ACACA: variants seen among roughly 807,000 people sequenced by gnomAD.
The protein encoded by ACACA is acetyl-CoA carboxylase alpha.
In ACACA, 103 loss-of-function variants were observed where a neutral mutation model predicts 296.1. The ratio of observed to expected loss-of-function variants is 0.35; its 90% CI spans 0.30 to 0.41. The LOEUF (loss-of-function observed/expected upper bound fraction) is 0.41, where lower values mean the gene tolerates loss of function less well. ACACA is among the 10% of genes least tolerant of loss of function. ACACA has a pLI of 1.00. For missense variants in ACACA, 1,554 were observed against 2,989.7 expected, an observed-to-expected ratio of 0.52 and a Z score of 11.20; for synonymous variants, 953 against 1,038.6, an observed-to-expected ratio of 0.92 and a Z score of 1.58.
At chr17:37,381,909 G>C (rs965317838) in intron 1 of ACACA, among the ~76,000 whole-genome samples, 4 of 151,906 alleles carry the variant, frequency 2.6e-5, no homozygotes, top group Non-Finnish European at 5.9e-5. Context: ...TTACAGGCGT[G>C]AGCCACTGCA....
intron 41 of ACACA, among the ~76,000 whole-genome samples, chr17:37,164,365 T>C (rs1406600756): frequency 6.6e-6 from 1 of 152,182 alleles, no homozygotes; most frequent in Admixed American, 6.5e-5. Flanking sequence ...GTAATCAGGC[T>C]GGTTGAAGCA....
At chr17:37,117,155 T>C (rs2074297662) in intron 50 of ACACA, among the ~76,000 whole-genome samples, 1 of 152,098 alleles carries the variant, frequency 6.6e-6, no homozygotes, top group Admixed American at 6.6e-5. Context: ...GGTGGCAGAG[T>C]GTTTCCACAG....
At chr17:37,185,254 G>T (rs2077480546) in intron 39 of ACACA, among the ~76,000 whole-genome samples, 1 of 151,926 alleles carries the variant, frequency 6.6e-6, no homozygotes, top group Non-Finnish European at 1.5e-5. Flanking sequence ...ATTTTTAGAG[G>T]CAGTGTCTCA....
chr17:37,121,334 G>T (rs1272414360), intron 50 of ACACA, 21 bp downstream of exon 50: 1 of 1,613,936 alleles, frequency 6.2e-7, no homozygotes, highest in Admixed American at 1.7e-5. Flanking sequence ...TGCCCCTCCA[G>T]CCCACAGGCA....
intron 41 of ACACA, among the ~76,000 whole-genome samples, chr17:37,174,020 A>ATATATTTT (rs552735515): frequency 1.2e-4 from 2 of 16,794 alleles, no homozygotes; most frequent in African/African-American, 2.6e-4. Context: ...ATATATATAT[A>ATATATTTT]TTTTTTTTTT....
intron 52 of ACACA, among the ~76,000 whole-genome samples, chr17:37,110,369 G>C (rs1441107123): frequency 6.6e-6 from 1 of 152,184 alleles, no homozygotes; most frequent in Non-Finnish European, 1.5e-5. Context: ...GTTTGGAAAA[G>C]AAAGAGAAAA....
intron 43 of ACACA, 141 bp from the exon 44 acceptor site, chr17:37,151,562 T>C: frequency 9.9e-7 from 1 of 1,007,970 alleles, no homozygotes; most frequent in Non-Finnish European, 1.5e-6. Flanking sequence ...CTTCCTTTTA[T>C]ACTCTTCATT....
At chr17:37,283,442 G>A (rs760982219) in intron 4 of ACACA, 37 bp from the exon 5 acceptor site, 219 of 1,609,604 alleles carry the variant, frequency 1.4e-4, no homozygotes, top group Non-Finnish European at 1.7e-4. Context: ...GGAAGAAAAG[G>A]CAGAAAAAAG....
chr17:37,289,350 T>C, intron 3 of ACACA: 2 of 820,534 alleles, frequency 2.4e-6, no homozygotes, highest in Non-Finnish European at 3.4e-6. Context: ...TAAAGTTGGC[T>C]TTTAAAGAAC....
intron 39 of ACACA, among the ~76,000 whole-genome samples, chr17:37,186,265 TTC>T (rs1482204737): frequency 4.6e-5 from 7 of 152,208 alleles, no homozygotes; most frequent in African/African-American, 1.7e-4. Flanking sequence ...AGAAAATAAT[TTC>T]TGACCCATAG....
chr17:37,303,228 G>A (rs2083713836), intron 3 of ACACA, among the ~76,000 whole-genome samples: 1 of 152,110 alleles, frequency 6.6e-6, no homozygotes, highest in African/African-American at 2.4e-5. Context: ...GCCTATTACA[G>A]ACATTTCATA....
intron 1 of ACACA, chr17:37,388,824 A>T: frequency 6.2e-7 from 1 of 1,610,462 alleles, no homozygotes; most frequent in Non-Finnish European, 8.5e-7. Flanking sequence ...GAATCCTTGA[A>T]CTTGACCCAT....
chr17:37,376,274 T>C, intron 1 of ACACA: 1 of 747,498 alleles, frequency 1.3e-6, no homozygotes, highest in Non-Finnish European at 2.2e-6. Context: ...CCAGAGTTAA[T>C]CCCATGTATC....
chr17:37,259,963 ACT>A (rs1330588547), intron 11 of ACACA, among the ~76,000 whole-genome samples: 1 of 149,284 alleles, frequency 6.7e-6, no homozygotes, highest in African/African-American at 2.5e-5. Flanking sequence ...CTCACTGCAA[ACT>A]CTGCCTCCCG....
At chr17:37,169,721 C>T (rs1385495948) in intron 41 of ACACA, among the ~76,000 whole-genome samples, 2 of 152,168 alleles carry the variant, frequency 1.3e-5, no homozygotes, top group Admixed American at 6.5e-5. Flanking sequence ...GCCCAATCTG[C>T]ATGTATATTA....
rs2050685104 is a variant in ACACA at position 37,161,984 on chromosome 17, C to T, written c.5146G>A (p.Val1716Ile). Residue 1716 changes from valine (V) to isoleucine (I), a missense_variant, in exon 42 of 56, where the codon GTT (valine) becomes ATT (isoleucine). This residue lies in a region of ACACA where 553 missense variants were observed against 1,043.6 expected (regional missense o/e 0.53). Transcript: ENST00000616317. ...CGGTATGTGATGTCATTGCCAATAACAATGATATCTCGGCCTTCTGGATAT... is the reference window on the plus strand; with the variant it reads ...CGGTATGTGATGTCATTGCCAATAATAATGATATCTCGGCCTTCTGGATAT... ...PEYPEGRDII[V>I]IGNDITYRIG... 1 of 1,614,204 alleles carries T rather than the reference C, an allele frequency of 6.2e-7. No homozygotes were observed. Among genetic ancestry groups the T allele is most frequent in the Admixed American group, 1.7e-5 (1 of 60,030 alleles).
chr17:37,214,008 C>T (rs1396689406), intron 29 of ACACA, among the ~76,000 whole-genome samples: 3 of 151,918 alleles, frequency 2.0e-5, no homozygotes, highest in East Asian at 3.8e-4. Flanking sequence ...AAAAAAAGAG[C>T]CCATATGAAA....
intron 3 of ACACA, among the ~76,000 whole-genome samples, chr17:37,306,395 C>A (rs965099169): frequency 1.3e-5 from 2 of 151,722 alleles, no homozygotes; most frequent in African/African-American, 4.8e-5. Flanking sequence ...TTTTAATGAC[C>A]GATATAACTT....
At chr17:37,233,200 A>T (rs138896969) in intron 25 of ACACA, among the ~76,000 whole-genome samples, 1 of 152,284 alleles carries the variant, frequency 6.6e-6, no homozygotes, top group Non-Finnish European at 1.5e-5. Context: ...CTCTGAAGAA[A>T]ATTGAAGGCC....
Sources: gnomAD v4.1 joint callset for allele counts (sites outside exome capture counted in the v4.1 genomes callset) on GRCh38, gnomAD v4.1.1 for gene constraint, gnomAD v4.1.1 regional missense constraint, MANE v1.5 for transcripts, NCBI Gene and HGNC (gene_info 2026-07-23, HGNC 2026-07-21) for gene names.